The following CDH18 variants were observed in gnomAD, a reference collection of about 807,000 sequenced individuals.
CDH18 encodes cadherin 18.
A neutral mutation model predicts 67.9 loss-of-function variants in CDH18; 31 were observed. The observed-to-expected ratio is 0.46, with a 90% CI of 0.34 to 0.62. CDH18 has a LOEUF of 0.62. Among genes scored for constraint, CDH18 ranks in the 20% least tolerant of loss-of-function variants. The probability of loss-of-function intolerance (pLI) is 0.01; values close to 1 mark genes in which losing one functional copy is unlikely to be tolerated. For synonymous variants in CDH18, 362 were observed against 347.2 expected, an observed-to-expected ratio of 1.04 and a Z score of -0.48; for missense variants, 890 against 975.5, an observed-to-expected ratio of 0.91 and a Z score of 1.17.
In CDH18 at chr5:19,489,392, C is replaced by T. The variant is rs542791100; in HGVS notation, c.1631-5840G>A. The stretch of plus-strand genomic sequence containing the variant: ...CCTCCAAAGTAGCTGGGACTACAGG[C>T]GCCCGCCACCACACCTGGCTAATGT... On this transcript the variant is annotated intron_variant, in intron 11 of 12. Transcript: ENST00000382275. Among the ~76,000 whole-genome samples, 27 of 151,796 alleles carry T rather than the reference C, an allele frequency of 1.8e-4. No individual in the cohort carries two copies. In the South Asian group the frequency reaches 1.9e-3, roughly 11 times the overall value.
chr5:19,878,894 T>G (rs1787324900), intron 2 of CDH18, among the ~76,000 whole-genome samples: 2 of 152,016 alleles, frequency 1.3e-5, no homozygotes, highest in African/African-American at 4.8e-5. Flanking sequence ...TAGAACTAGT[T>G]TTCGAATGTT....
intron 2 of CDH18, among the ~76,000 whole-genome samples, chr5:19,845,886 A>T (rs923569489): frequency 6.6e-6 from 1 of 151,674 alleles, no homozygotes; most frequent in Non-Finnish European, 1.5e-5. Context: ...TTCTCTCTCA[A>T]CTGATTTGTG....
intron 3 of CDH18, among the ~76,000 whole-genome samples, chr5:19,836,983 A>G (rs905605206): frequency 1.3e-5 from 2 of 152,306 alleles, no homozygotes; most frequent in Admixed American, 6.5e-5. Flanking sequence ...AGCACTGTTC[A>G]CAATAGCAAA....
intron 5 of CDH18, among the ~76,000 whole-genome samples, chr5:19,644,805 T>G (rs548456092): frequency 6.6e-6 from 1 of 152,122 alleles, no homozygotes; most frequent in South Asian, 2.1e-4. Context: ...CAACTTCTGA[T>G]GTGGGCAAAG....
chr5:20,306,215 G>A (rs1238681016), intron 1 of CDH18, among the ~76,000 whole-genome samples: 1 of 151,978 alleles, frequency 6.6e-6, no homozygotes, highest in Non-Finnish European at 1.5e-5. Context: ...AAATTACTCT[G>A]TTTCATTCTG....
chr5:20,304,377 A>T (rs11747601), intron 1 of CDH18: 787,373 of 1,453,590 alleles, frequency 0.54, 223,469 homozygotes, highest in Middle Eastern at 0.63. Context: ...TTTTTGGAGT[A>T]AAAAGCATCT....
At chr5:19,990,325 G>A (rs1440006952), upstream of CDH18, among the ~76,000 whole-genome samples, 3 of 152,202 alleles carry the variant, frequency 2.0e-5, no homozygotes, top group Non-Finnish European at 4.4e-5. Context: ...TTGCCAGCTT[G>A]CTACTGAAGC....
At chr5:19,944,637 T>C (rs1795127104) in intron 2 of CDH18, among the ~76,000 whole-genome samples, 1 of 152,200 alleles carries the variant, frequency 6.6e-6, no homozygotes, top group Non-Finnish European at 1.5e-5. Context: ...ACCTGTCTTA[T>C]TAATATCAGC....
At chr5:19,586,452 C>T (rs1272274548) in intron 7 of CDH18, among the ~76,000 whole-genome samples, 1 of 151,994 alleles carries the variant, frequency 6.6e-6, no homozygotes, top group Non-Finnish European at 1.5e-5. Flanking sequence ...AGTCAGAGCA[C>T]GTCGTATTTG....
intron 4 of CDH18, among the ~76,000 whole-genome samples, chr5:19,726,661 G>A (rs1025663661): frequency 2.0e-5 from 3 of 152,106 alleles, no homozygotes; most frequent in African/African-American, 7.2e-5. Flanking sequence ...AAATATATTC[G>A]TATCTTAAAT....
In CDH18 at chr5:20,283,296, A is replaced by T. The variant is rs2126708208; in HGVS notation, c.-579-27791T>A. ...AAAAAGTTTATGCACAGCAAAGAAA[A>T]CAACAAGTGGAGGGAATCCACAGAA... On this transcript the variant is annotated intron_variant, in intron 1 of 14. Coordinates refer to the CDH18 transcript ENST00000507958. 2.0e-5 allele frequency among the ~76,000 whole-genome samples: 3 copies of T among 152,110 alleles called. No homozygotes were observed. The Middle Eastern group carries it at 0.01, about 517-fold the overall frequency.
chr5:20,440,744 C>A lies in CDH18; in HGVS notation c.-580+134718G>T, dbSNP rs1005827267. Among the ~76,000 whole-genome samples, 4 of 151,888 alleles carry A rather than the reference C, an allele frequency of 2.6e-5. No individual in the cohort carries two copies. The East Asian group carries it at 5.8e-4, about 22-fold the overall frequency. On this transcript the variant is annotated intron_variant, in intron 1 of 14. Transcript: ENST00000507958. ...TTGTTGTTGGAAAATTAGATAATTT[C>A]TTTACTGATCTCATGGAGACTTGGC...
chr5:19,696,248 TGTGTGTGTGTGTGC>T (rs906907628), intron 5 of CDH18, among the ~76,000 whole-genome samples: 17 of 48,260 alleles, frequency 3.5e-4, no homozygotes, highest in African/African-American at 4.1e-4. Context: ...TGTGTGTGTG[TGTGTGTGTGTGTGC>T]GTATTTTTTA....
At chr5:19,612,673 T>G in intron 5 of CDH18, 72 bp from the exon 6 acceptor site, 2 of 1,117,766 alleles carry the variant, frequency 1.8e-6, no homozygotes, top group Non-Finnish European at 2.6e-6. Context: ...TACACATACA[T>G]ATTTTAAGAA....
chr5:20,147,527 C>A (rs1213598154), intron 2 of CDH18, among the ~76,000 whole-genome samples: 2 of 151,974 alleles, frequency 1.3e-5, no homozygotes, highest in Non-Finnish European at 2.9e-5. Context: ...CCAATGTGTA[C>A]CACCATACCC....
intron 2 of CDH18, among the ~76,000 whole-genome samples, chr5:19,896,070 A>G (rs138726433): frequency 3.0e-4 from 45 of 152,112 alleles, no homozygotes; most frequent in African/African-American, 1.1e-3. Flanking sequence ...TAAAATAAAG[A>G]GCTTGGTCGG....
chr5:19,904,976 G>A (rs1370452899), intron 2 of CDH18, among the ~76,000 whole-genome samples: 1 of 152,142 alleles, frequency 6.6e-6, no homozygotes, highest in Admixed American at 6.6e-5. Context: ...TGGGATTTAT[G>A]AGGATCTTGT....
chr5:20,356,984 A>G (rs1300654034), intron 1 of CDH18, among the ~76,000 whole-genome samples: 3 of 151,368 alleles, frequency 2.0e-5, no homozygotes, highest in Non-Finnish European at 4.4e-5. Context: ...TATATGTAGT[A>G]ATAACTATAG....
Position 19,820,075 on chromosome 5 carries a change from G to T in CDH18, c.228+18684C>A, listed in dbSNP as rs114880822. 9.7e-3 allele frequency among the ~76,000 whole-genome samples: 1,482 copies of T among 152,240 alleles called. 13 individuals are homozygous for T. The highest frequency in any genetic ancestry group is 0.015 in the Non-Finnish European group (998 of 68,014). ...TGAGCAAAACACCCAGGAGTATTGA[G>T]GTAAGATCTGGGACTTGTGCTCAAG... On this transcript the variant is annotated intron_variant, in intron 3 of 12. Coordinates refer to ENST00000382275, the MANE Select transcript of CDH18 (RefSeq NM_004934.5).
Sources: gnomAD v4.1 joint callset for allele counts (sites outside exome capture counted in the v4.1 genomes callset) on GRCh38, gnomAD v4.1.1 for gene constraint, MANE v1.5 for transcripts, NCBI Gene and HGNC (gene_info 2026-07-23, HGNC 2026-07-21) for gene names.